Variants in KLRC3 observed in about 807,000 individuals in gnomAD.
KLRC3 encodes the protein NKG2-E type II integral membrane protein.
Under a neutral mutation model 23.6 loss-of-function variants are expected in KLRC3, and 16 were observed. The ratio of observed to expected loss-of-function variants is 0.68; its 90% CI spans 0.46 to 1.03. KLRC3 has a LOEUF of 1.03. Ranked by LOEUF, KLRC3 falls within the 50% of genes least tolerant of loss-of-function variation. KLRC3 has a pLI of 0.00. For synonymous variants in KLRC3, 70 were observed against 71.8 expected (o/e 0.98, Z 0.13); for missense variants, 209 against 232.2 (o/e 0.90, Z 0.65).
Position 10,412,864 on chromosome 12 carries a change from G to A in KLRC3, c.679-248C>T, listed in dbSNP as rs142189087. On this transcript the variant is annotated intron_variant, in intron 6 of 6. Coordinates refer to ENST00000396439, the MANE Select transcript of KLRC3 (RefSeq NM_002261.3). ...CAAGTTCAACATATAGTTGAATAAAGTGAACAAGTAAACAATCATAAATGG... is the reference window on the plus strand; with the variant it reads ...CAAGTTCAACATATAGTTGAATAAAATGAACAAGTAAACAATCATAAATGG... Among the ~76,000 whole-genome samples the A allele has an allele frequency of 9.4e-4, 143 of 152,218 alleles. 1 individual carries two copies. In the East Asian group the frequency reaches 0.019, roughly 21 times the overall value.
chr12:10,416,460 C>T (rs1358128617), intron 5 of KLRC3, among the ~76,000 whole-genome samples: 1 of 152,202 alleles, frequency 6.6e-6, no homozygotes, highest in Non-Finnish European at 1.5e-5. Flanking sequence ...ACCCCTGGTC[C>T]ATCTCATAAC....
intron 5 of KLRC3, among the ~76,000 whole-genome samples, chr12:10,416,446 A>T (rs79448438): frequency 6.6e-6 from 1 of 152,214 alleles, no homozygotes; most frequent in African/African-American, 2.4e-5. Flanking sequence ...GCCAAAGATT[A>T]GACACCCCTG....
chr12:10,415,719 T>C lies in KLRC3; in HGVS notation c.663A>G (p.Gly221=). The change falls in exon 6 of 7, where the codon GGA becomes GGG. Residue 221 remains glycine, a synonymous_variant. Coordinates refer to ENST00000396439, the MANE Select transcript of KLRC3 (RefSeq NM_002261.3). Reference sequence around the variant, plus strand: ...TTATGCTCACAATGATTCTTGAAGATCCACACTGGTCTGATATAAGTCCAC... The same window carrying C: ...TTATGCTCACAATGATTCTTGAAGACCCACACTGGTCTGATATAAGTCCAC... ...HVRGLISDQC[G]SSRIIRRGFI... 1 of 1,613,784 alleles carries C rather than the reference T, an allele frequency of 6.2e-7. No homozygotes were observed. The highest frequency in any genetic ancestry group is 8.5e-7 in the Non-Finnish European group (1 of 1,179,768).
intron 6 of KLRC3, among the ~76,000 whole-genome samples, chr12:10,414,616 G>C (rs1019754769): frequency 3.1e-5 from 4 of 128,980 alleles, no homozygotes; most frequent in African/African-American, 1.1e-4. Flanking sequence ...GTTGTGGGGT[G>C]GGGGGAGGGG....
chr12:10,417,470 C>A (rs1373638008), intron 4 of KLRC3, among the ~76,000 whole-genome samples: 1 of 152,162 alleles, frequency 6.6e-6, no homozygotes, highest in Non-Finnish European at 1.5e-5. Flanking sequence ...TGTTTCCCTA[C>A]ACCCAACCTG....
At chr12:10,415,629 T>C (rs1467800238) in intron 6 of KLRC3, 75 bp downstream of exon 6, 5 of 1,599,212 alleles carry the variant, frequency 3.1e-6, no homozygotes. Context: ...TAATATCATT[T>C]CTGTTTGAAC....
intron 6 of KLRC3, among the ~76,000 whole-genome samples, chr12:10,413,095 A>G (rs1241498384): frequency 1.3e-5 from 2 of 152,188 alleles, no homozygotes; most frequent in Non-Finnish European, 2.9e-5. Context: ...AACATTAATT[A>G]ATAAAAATAA....
At chr12:10,413,306 A>G (rs1863597645) in intron 6 of KLRC3, among the ~76,000 whole-genome samples, 1 of 152,188 alleles carries the variant, frequency 6.6e-6, no homozygotes, top group Non-Finnish European at 1.5e-5. Flanking sequence ...ATCAAGATGA[A>G]TGGTCACAAA....
chr12:10,412,690 G>A (rs921495440), intron 6 of KLRC3, 74 bp from the exon 7 acceptor site: 9 of 678,706 alleles, frequency 1.3e-5, no homozygotes, highest in Non-Finnish European at 2.4e-5. Flanking sequence ...GCTGAGGTGG[G>A]AGGATCGCTT....
chr12:10,417,321 A>G (rs189579492), intron 4 of KLRC3, among the ~76,000 whole-genome samples: 16 of 152,110 alleles, frequency 1.1e-4, no homozygotes, highest in Middle Eastern at 3.4e-3. Flanking sequence ...GATTAATGAA[A>G]GACAAAAGTA....
intron 4 of KLRC3, among the ~76,000 whole-genome samples, chr12:10,417,018 TAA>T (rs1863654670): frequency 3.9e-5 from 6 of 151,982 alleles, no homozygotes; most frequent in Non-Finnish European, 8.8e-5. Context: ...AGGGTTTTAA[TAA>T]GTTTCCTGAT....
rs74404701 is a variant in KLRC3 at position 10,416,373 on chromosome 12, G to A, written c.587+294C>T. 3.9e-3 allele frequency among the ~76,000 whole-genome samples: 598 copies of A among 152,260 alleles called. 4 individuals carry two copies. Among genetic ancestry groups the A allele is most frequent in the African/African-American group, 0.014 (566 of 41,550 alleles). ...TTTTTTGTTTAGCTCATCAGCTAGCGTTAGTGTTAGTGTCTTTTATGTGTG... is the reference window on the plus strand; with the variant it reads ...TTTTTTGTTTAGCTCATCAGCTAGCATTAGTGTTAGTGTCTTTTATGTGTG... On this transcript the variant is annotated intron_variant, in intron 5 of 6. Transcript: ENST00000396439.
In KLRC3 at chr12:10,417,661, C is replaced by T. The variant is rs1197006925; in HGVS notation, c.486+683G>A. Among the ~76,000 whole-genome samples, 5 of 147,044 alleles carry T rather than the reference C, an allele frequency of 3.4e-5. 1 individual carries two copies. The highest frequency in any genetic ancestry group is 4.0e-4 in the East Asian group (2 of 5,014). ...TGAGGAGGATCAGGAAAGGGACCCA[C>T]GACTACCAATGCACCATCCAGGGTC... On this transcript the variant is annotated intron_variant, in intron 4 of 6. Coordinates refer to ENST00000396439, the MANE Select transcript of KLRC3 (RefSeq NM_002261.3).
At chr12:10,416,456 G>C (rs1210213840) in intron 5 of KLRC3, among the ~76,000 whole-genome samples, 1 of 152,124 alleles carries the variant, frequency 6.6e-6, no homozygotes, top group African/African-American at 2.4e-5. Context: ...AGACACCCCT[G>C]GTCCATCTCA....
intron 3 of KLRC3, among the ~76,000 whole-genome samples, chr12:10,418,816 CAGT>C (rs1863681948): frequency 6.6e-6 from 1 of 152,074 alleles, no homozygotes; most frequent in South Asian, 2.1e-4. Context: ...CATCTCACAG[CAGT>C]AGGAGACTTC....
intron 4 of KLRC3, 60 bp downstream of exon 4, chr12:10,418,284 C>T: frequency 6.8e-7 from 1 of 1,471,804 alleles, no homozygotes. Context: ...ATGTTTTCTA[C>T]AAATGTATTA....
intron 6 of KLRC3, 89 bp downstream of exon 6, chr12:10,415,615 A>G (rs1863629444): frequency 5.1e-6 from 8 of 1,580,972 alleles, no homozygotes; most frequent in Non-Finnish European, 6.9e-6. Context: ...GGCTTATGCA[A>G]TCATAATATC....
intron 6 of KLRC3, among the ~76,000 whole-genome samples, chr12:10,413,068 T>C (rs1340304009): frequency 6.6e-6 from 1 of 152,124 alleles, no homozygotes; most frequent in Non-Finnish European, 1.5e-5. Context: ...ACAGTTGAAA[T>C]GTAGCTATTC....
At chr12:10,418,006 C>CTT (rs34692312) in intron 4 of KLRC3, among the ~76,000 whole-genome samples, 5 of 152,136 alleles carry the variant, frequency 3.3e-5, no homozygotes, top group Non-Finnish European at 5.9e-5. Flanking sequence ...GAGCTGGAAA[C>CTT]TTATTTCATG....
Sources: gnomAD v4.1 joint callset for allele counts (sites outside exome capture counted in the v4.1 genomes callset) on GRCh38, gnomAD v4.1.1 for gene constraint, MANE v1.5 for transcripts, NCBI Gene and HGNC (gene_info 2026-07-23, HGNC 2026-07-21) for gene names.